The following DENND4C variants were observed in gnomAD, a reference collection of about 807,000 sequenced individuals.
The protein encoded by DENND4C is DENN domain containing 4C, also known as DENN domain-containing protein 4C.
A neutral mutation model predicts 203.0 loss-of-function variants in DENND4C; 108 were observed. The ratio of observed to expected loss-of-function variants is 0.53; its 90% CI spans 0.46 to 0.62. DENND4C has a LOEUF of 0.62. Ranked by LOEUF, DENND4C falls within the 20% of genes least tolerant of loss-of-function variation. DENND4C has a pLI of 0.00. For missense variants in DENND4C, 2,481 were observed against 2,301.2 expected (o/e 1.08, Z -1.60); for synonymous variants, 871 against 792.4 (o/e 1.10, Z -1.67).
chr9:19,280,038 A>G (rs1177054444), intron 2 of DENND4C, among the ~76,000 whole-genome samples: 1 of 152,188 alleles, frequency 6.6e-6, no homozygotes, highest in Non-Finnish European at 1.5e-5. Context: ...ATAGAATAAA[A>G]TTATTGAAGG....
chr9:19,321,124 T>A (rs1842809329), intron 12 of DENND4C, among the ~76,000 whole-genome samples: 1 of 152,194 alleles, frequency 6.6e-6, no homozygotes, highest in African/African-American at 2.4e-5. Flanking sequence ...CAGATTTGCA[T>A]TTTTTGAAAA....
chr9:19,354,212 A>T (rs914962922), intron 26 of DENND4C, among the ~76,000 whole-genome samples: 1 of 152,162 alleles, frequency 6.6e-6, no homozygotes, highest in Non-Finnish European at 1.5e-5. Context: ...CCATTATTCT[A>T]GTGTTGGGTA....
chr9:19,324,175 C>G (rs750395174), intron 12 of DENND4C, among the ~76,000 whole-genome samples, 187 bp from the exon 13 acceptor site: 153 of 151,862 alleles, frequency 1.0e-3, no homozygotes, highest in Non-Finnish European at 5.4e-4. Flanking sequence ...AATCCGAAAT[C>G]TGAAACACTT....
intron 21 of DENND4C, 92 bp from the exon 22 acceptor site, chr9:19,342,541 G>A: frequency 7.4e-7 from 1 of 1,346,668 alleles, no homozygotes; most frequent in East Asian, 2.5e-5. Context: ...GACTGTTGGA[G>A]AAAAATACAT....
At chr9:19,272,098 G>T (rs902409496) in intron 1 of DENND4C, among the ~76,000 whole-genome samples, 5 of 151,896 alleles carry the variant, frequency 3.3e-5, no homozygotes, top group Admixed American at 3.3e-4. Flanking sequence ...GTGGAGAAAG[G>T]ATAGTATTTT....
At chr9:19,315,567 GTA>G (rs1238636958) in intron 10 of DENND4C, among the ~76,000 whole-genome samples, 1 of 150,530 alleles carries the variant, frequency 6.6e-6, no homozygotes, top group African/African-American at 2.4e-5. Flanking sequence ...ATGTATGTGT[GTA>G]TATATACGTG....
chr9:19,327,486 A>G (rs1041968106), intron 15 of DENND4C, among the ~76,000 whole-genome samples: 6 of 152,000 alleles, frequency 3.9e-5, no homozygotes, highest in African/African-American at 1.4e-4. Context: ...ATTATTGGGT[A>G]TTTGTCCTAT....
intron 1 of DENND4C, among the ~76,000 whole-genome samples, chr9:19,247,044 A>T (rs1461594142): frequency 6.6e-6 from 1 of 152,202 alleles, no homozygotes; most frequent in Non-Finnish European, 1.5e-5. Context: ...CAGTGTTCTC[A>T]ATCCGTAAAT....
At chr9:19,313,629 TA>T (rs1449845262) in intron 10 of DENND4C, among the ~76,000 whole-genome samples, 1 of 152,216 alleles carries the variant, frequency 6.6e-6, no homozygotes, top group Non-Finnish European at 1.5e-5. Context: ...CAAGAGACGT[TA>T]AAATATGTCT....
intron 1 of DENND4C, among the ~76,000 whole-genome samples, chr9:19,263,208 C>A (rs1829774711): frequency 1.3e-5 from 2 of 152,056 alleles, no homozygotes; most frequent in Non-Finnish European, 2.9e-5. Context: ...TGGTTTTTGT[C>A]TTTTATTCTG....
rs372582640 is a variant in DENND4C at position 19,346,824 on chromosome 9, C to A, written c.4055C>A (p.Ser1352Tyr). 2.2e-5 allele frequency: 35 copies of A among 1,614,078 alleles called. No individual in the cohort carries two copies. Among genetic ancestry groups the A allele is most frequent in the Non-Finnish European group, 2.9e-5 (34 of 1,180,040 alleles). Residue 1352 changes from serine (S) to tyrosine (Y), a missense_variant, in exon 23 of 33, where the codon TCT (serine) becomes TAT (tyrosine). Around this residue, in one of 3 missense-constraint regions of DENND4C, gnomAD observed 2,289 missense variants for 2,113.3 expected, o/e 1.08. Transcript: ENST00000434457. ...AAGAGCTCACCTGCAGTGTCCAGGT[C>A]TAAAACTTTTACTGGGCGTTTCAAG... ...SEKSSPAVSR[S>Y]KTFTGRFKQQ...
intron 16 of DENND4C, 108 bp downstream of exon 16, chr9:19,328,270 C>A: frequency 8.9e-7 from 1 of 1,126,970 alleles, no homozygotes; most frequent in Non-Finnish European, 1.2e-6. Context: ...TTTGAAGACT[C>A]ACTTTGGTTG....
intron 26 of DENND4C, among the ~76,000 whole-genome samples, chr9:19,356,221 G>T (rs1281425786): frequency 1.3e-5 from 2 of 151,974 alleles, no homozygotes; most frequent in Non-Finnish European, 2.9e-5. Context: ...GTGAGATAGA[G>T]ATATTAATAC....
intron 10 of DENND4C, among the ~76,000 whole-genome samples, chr9:19,313,613 C>T (rs1347745524): frequency 6.6e-6 from 1 of 152,184 alleles, no homozygotes; most frequent in East Asian, 1.9e-4. Context: ...TTTTAAGACA[C>T]AGTTTCAAGA....
intron 1 of DENND4C, among the ~76,000 whole-genome samples, chr9:19,250,443 T>C (rs895996576): frequency 2.6e-5 from 4 of 152,046 alleles, no homozygotes; most frequent in Non-Finnish European, 5.9e-5. Context: ...ACCAGGCTGG[T>C]CTTGAACTCC....
At chr9:19,318,572 A>G (rs915533587) in intron 12 of DENND4C, among the ~76,000 whole-genome samples, 6 of 152,230 alleles carry the variant, frequency 3.9e-5, no homozygotes, top group African/African-American at 1.2e-4. Context: ...ACAAAGTACC[A>G]CAGACTAGGT....
At chr9:19,273,314 G>T (rs1832159206) in intron 1 of DENND4C, among the ~76,000 whole-genome samples, 2 of 152,012 alleles carry the variant, frequency 1.3e-5, no homozygotes, top group South Asian at 4.2e-4. Flanking sequence ...TGGAACTCCT[G>T]ACCTCAGGTG....
chr9:19,309,162 C>T (rs1840270338), intron 10 of DENND4C, among the ~76,000 whole-genome samples: 1 of 152,104 alleles, frequency 6.6e-6, no homozygotes, highest in Non-Finnish European at 1.5e-5. Flanking sequence ...GTGGCTCACG[C>T]CTGTAATCCC....
At position 19,360,453 on chromosome 9, in the gene DENND4C, T is replaced by C; in HGVS notation, c.5370T>C (p.Leu1790=). The C allele has an allele frequency of 6.2e-7, 1 of 1,614,162 alleles. No homozygotes were observed. Among genetic ancestry groups the C allele is most frequent in the Non-Finnish European group, 8.5e-7 (1 of 1,180,008 alleles). The change falls in exon 29 of 33, where the codon CTT becomes CTC. Residue 1790 remains leucine, a synonymous_variant. Transcript: ENST00000434457. The stretch of plus-strand genomic sequence containing the variant: ...ACCTTCCTAGTAACTTGCCAGGACT[T>C]ATCCTCACATCTGAACATTGTAATG... The part of the protein sequence containing the change: ...RLDLPSNLPG[L]ILTSEHCNEG...
Sources: allele counts gnomAD v4.1 joint callset (sites outside exome capture counted in the v4.1 genomes callset), GRCh38; gene constraint gnomAD v4.1.1; regional missense constraint gnomAD v4.1.1; transcripts MANE v1.5; gene names NCBI Gene and HGNC (gene_info 2026-07-23, HGNC 2026-07-21).